The following APPL1 variants were observed in gnomAD, a reference collection of about 807,000 sequenced individuals.
APPL1 encodes DCC-interacting protein 13-alpha.
Under a neutral mutation model 106.8 loss-of-function variants are expected in APPL1, and 42 were observed. The observed-to-expected ratio is 0.39, with a 90% confidence interval of 0.31 to 0.51. The LOEUF (loss-of-function observed/expected upper bound fraction) is 0.51. APPL1 is among the 20% of genes least tolerant of loss of function. The pLI is 0.75. For synonymous variants in APPL1, 263 were observed against 281.8 expected (o/e 0.93, Z 0.67); for missense variants, 769 against 858.2 (o/e 0.90, Z 1.30).
chr3:57,235,437 C>A, intron 1 of APPL1, 129 bp from the exon 2 acceptor site: 1 of 518,282 alleles, frequency 1.9e-6, no homozygotes. Flanking sequence ...TCAAAAGAGA[C>A]AAAATAGATT....
Position 57,252,250 on chromosome 3 carries a change from A to G in APPL1, c.1053-19A>G, listed in dbSNP as rs1354271215. The G allele has an allele frequency of 6.2e-7, 1 of 1,603,554 alleles. No individual in the cohort carries two copies. The highest frequency in any genetic ancestry group is 1.3e-5 in the African/African-American group (1 of 74,356). ...TACTTTTTTAAACAGTTGAGGCTCAAACGTCTCTTCTCTTCCAGATCTTCA... is the reference window on the plus strand; with the variant it reads ...TACTTTTTTAAACAGTTGAGGCTCAGACGTCTCTTCTCTTCCAGATCTTCA... On this transcript the variant is annotated intron_variant, in intron 11 of 21. Coordinates refer to ENST00000288266, the MANE Select transcript of APPL1 (RefSeq NM_012096.3).
At chr3:57,246,732 G>C (rs79323047) in intron 8 of APPL1, among the ~76,000 whole-genome samples, 2 of 152,224 alleles carry the variant, frequency 1.3e-5, no homozygotes, top group African/African-American at 2.4e-5. Flanking sequence ...GGGCAGGCAC[G>C]GTGCCTTATG....
In APPL1 at chr3:57,270,676, C is replaced by T. The variant is rs2060931118; in HGVS notation, c.*989C>T. Reference sequence around the variant, plus strand: ...TTTTAAATTTCAGACTGATATATTCCCAGTATTTTCATAATGCCATGTTTT... The same window carrying T: ...TTTTAAATTTCAGACTGATATATTCTCAGTATTTTCATAATGCCATGTTTT... On this transcript the variant is annotated 3_prime_UTR_variant, in exon 22 of 22. Coordinates refer to ENST00000288266, the MANE Select transcript of APPL1 (RefSeq NM_012096.3). 6.6e-6 allele frequency: 1 copy of T among 152,442 alleles called. No individual in the cohort carries two copies. The highest frequency in any genetic ancestry group is 2.1e-4 in the South Asian group (1 of 4,828). The allele number at this position is 152,442 out of a possible 1,614,324, so 9.4% of individuals were successfully genotyped here.
Position 57,235,584 on chromosome 3 carries a change from G to C in APPL1, c.73G>C (p.Val25Leu). The stretch of plus-strand genomic sequence containing the variant: ...TATACAGACAAGGTCTTTACTAGGT[G>C]TATTTGAAGAAGATGCCACAGCTAT... ...DSPQTRSLLGVFEEDATAISN... is the reference protein window; with the variant it reads ...DSPQTRSLLGLFEEDATAISN... The change falls in exon 2 of 22, where the codon GTA becomes CTA. Residue 25 changes from valine to leucine, a missense_variant. Physicochemically the swap from Val to Leu is conservative, Grantham distance 32. Coordinates refer to ENST00000288266, the MANE Select transcript of APPL1 (RefSeq NM_012096.3). 2 of 1,610,882 alleles carry C rather than the reference G, an allele frequency of 1.2e-6. No homozygotes were observed. Among genetic ancestry groups the C allele is most frequent in the Non-Finnish European group, 1.7e-6 (2 of 1,177,410 alleles).
In APPL1 at chr3:57,268,392, C is replaced by A; in HGVS notation, c.1894-6C>A. 6.5e-7 allele frequency: 1 copy of A among 1,549,222 alleles called. No individual in the cohort carries two copies. Among genetic ancestry groups the A allele is most frequent in the South Asian group, 1.1e-5 (1 of 87,112 alleles). ...AATTCATTAGTTTTATTCATCTGTT[C>A]TTTAGGATCGTAGGGCATCAGAAAA... On this transcript the variant is annotated splice_region_variant and splice_polypyrimidine_tract_variant and intron_variant, in intron 20 of 21. Transcript: ENST00000288266.
In APPL1 at chr3:57,227,809, G is replaced by C. The variant is rs1681096405; in HGVS notation, c.-75G>C. The C allele has an allele frequency of 1.1e-5, 15 of 1,309,634 alleles. No homozygotes were observed. The highest frequency in any genetic ancestry group is 1.5e-5 in the Non-Finnish European group (15 of 990,254). 81.1% of individuals were successfully genotyped at this position (1,309,634 alleles called of 1,614,324 possible). A position where few individuals can be genotyped will look rare whatever the true frequency, so the allele number is the denominator to read the frequency against. ...TGCCGGAGAGGGCGGGCCGGGGTCAGCTGCGGCGGGCGGGCCGGCGCGGGG... is the reference window on the plus strand; with the variant it reads ...TGCCGGAGAGGGCGGGCCGGGGTCACCTGCGGCGGGCGGGCCGGCGCGGGG... On this transcript the variant is annotated 5_prime_UTR_variant, in exon 1 of 22. Transcript: ENST00000288266.
intron 14 of APPL1, 86 bp from the exon 15 acceptor site, chr3:57,257,160 A>G (rs1043815270): frequency 4.5e-6 from 7 of 1,552,840 alleles, no homozygotes; most frequent in Middle Eastern, 1.7e-4. Flanking sequence ...GACTTATAAT[A>G]TTGTGTTTTC....
chr3:57,229,750 G>A (rs914791953), intron 1 of APPL1, among the ~76,000 whole-genome samples: 1 of 105,840 alleles, frequency 9.4e-6, no homozygotes. Context: ...TTTTGCTCTT[G>A]TTGCCCAGGC....
intron 19 of APPL1, among the ~76,000 whole-genome samples, chr3:57,264,737 G>A (rs2060885645): frequency 6.6e-6 from 1 of 151,052 alleles, no homozygotes; most frequent in African/African-American, 2.4e-5. Context: ...TGTCAAAAAT[G>A]AGTTCGCTGT....
chr3:57,251,434 A>G (rs116135771), intron 11 of APPL1, among the ~76,000 whole-genome samples: 2,649 of 150,452 alleles, frequency 0.018, 87 homozygotes, highest in African/African-American at 0.06. Context: ...TGACACAGGG[A>G]GAATTGCTTG....
chr3:57,267,782 A>T lies in APPL1; in HGVS notation c.1883A>T (p.His628Leu), dbSNP rs747657877. ...SVGLAKQIAL[H>L]AELDRRASEK... is the part of the protein sequence containing the mutation. ...GGACTGGCAAAACAGATAGCTTTGC[A>T]TGCTGAACTGGTAAGAATCCAAGAT... Residue 628 changes from histidine (H) to leucine (L), a missense_variant, in exon 20 of 22, where the codon CAT becomes CTT. Physicochemically the swap from His to Leu is moderately conservative, Grantham distance 99. Coordinates refer to ENST00000288266, the MANE Select transcript of APPL1 (RefSeq NM_012096.3). 2 of 1,613,664 alleles carry T rather than the reference A, an allele frequency of 1.2e-6. No individual in the cohort carries two copies. Among genetic ancestry groups the T allele is most frequent in the African/African-American group, 2.7e-5 (2 of 74,926 alleles).
rs1430000103 is a variant in APPL1 at position 57,260,691 on chromosome 3, G to A, written c.1759G>A (p.Val587Ile). The A allele has an allele frequency of 2.5e-6, 4 of 1,612,758 alleles. No homozygotes were observed. The highest frequency in any genetic ancestry group is 3.4e-6 in the Non-Finnish European group (4 of 1,179,368). Reference sequence around the variant, plus strand: ...GGAAAATAAGCGCCTTTTTGGATTTGTTCTTCGGACATCAAGCGGGAGAAG... The same window carrying A: ...GGAAAATAAGCGCCTTTTTGGATTTATTCTTCGGACATCAAGCGGGAGAAG... ...HQENKRLFGF[V>I]LRTSSGRSES... Residue 587 changes from valine (V) to isoleucine (I), a missense_variant, in exon 19 of 22, where the codon GTT becomes ATT. Physicochemically the swap from Val to Ile is conservative, Grantham distance 29 (BLOSUM62 3). Transcript: ENST00000288266.
chr3:57,250,736 T>C (rs2060798962), intron 11 of APPL1, among the ~76,000 whole-genome samples: 1 of 152,044 alleles, frequency 6.6e-6, no homozygotes, highest in South Asian at 2.1e-4. Context: ...TAATGATAGA[T>C]GTTTAGACTA....
chr3:57,242,157 T>C lies in APPL1; in HGVS notation c.415+15T>C. 2 of 1,583,436 alleles carry C rather than the reference T, an allele frequency of 1.3e-6. No individual in the cohort carries two copies. The highest frequency in any genetic ancestry group is 1.7e-6 in the Non-Finnish European group (2 of 1,157,066). ...TGCAAGTAATGGTAAGCCCTATAAT[T>C]TGCACACTTATTTCTTGCAGTGATG... On this transcript the variant is annotated intron_variant, in intron 6 of 21. Coordinates refer to ENST00000288266, the MANE Select transcript of APPL1 (RefSeq NM_012096.3).
At chr3:57,250,999 G>T (rs2060801321) in intron 11 of APPL1, among the ~76,000 whole-genome samples, 1 of 147,198 alleles carries the variant, frequency 6.8e-6, no homozygotes, top group South Asian at 2.1e-4. Context: ...AGTAGAGACG[G>T]GGTTTCACCG....
chr3:57,265,081 C>T (rs979128500), intron 19 of APPL1, among the ~76,000 whole-genome samples: 4 of 151,990 alleles, frequency 2.6e-5, no homozygotes, highest in African/African-American at 4.8e-5. Flanking sequence ...AATCCATGAA[C>T]GTGGAATATG....
At chr3:57,235,861 A>T (rs1263630636) in intron 2 of APPL1, among the ~76,000 whole-genome samples, 197 bp downstream of exon 2, 2 of 152,170 alleles carry the variant, frequency 1.3e-5, no homozygotes, top group East Asian at 3.9e-4. Flanking sequence ...AGTTTGTAGT[A>T]CTACAAAAGT....
chr3:57,264,909 C>G (rs2060886421), intron 19 of APPL1, among the ~76,000 whole-genome samples: 1 of 150,936 alleles, frequency 6.6e-6, no homozygotes, highest in Non-Finnish European at 1.5e-5. Context: ...TATTTTTGCT[C>G]AGAATAACTT....
intron 1 of APPL1, among the ~76,000 whole-genome samples, chr3:57,230,275 C>T (rs1255348137): frequency 6.6e-6 from 1 of 152,182 alleles, no homozygotes; most frequent in Non-Finnish European, 1.5e-5. Flanking sequence ...TTCTCTGAAC[C>T]TCAGCTGTTG....
Sources: gnomAD v4.1 joint callset for allele counts (sites outside exome capture counted in the v4.1 genomes callset) on GRCh38, gnomAD v4.1.1 for gene constraint, MANE v1.5 for transcripts, NCBI Gene and HGNC (gene_info 2026-07-23, HGNC 2026-07-21) for gene names.